The following SHANK1 variants were observed in gnomAD, a reference collection of about 807,000 sequenced individuals.
SHANK1 encodes SH3 and multiple ankyrin repeat domains protein 1.
In SHANK1, 35 loss-of-function variants were observed where a neutral mutation model predicts 165.6. The observed-to-expected ratio is 0.21, with a 90% confidence interval of 0.16 to 0.28. The LOEUF is 0.28. Among genes scored for constraint, SHANK1 ranks in the 10% least tolerant of loss-of-function variants. The pLI is 1.00. For missense variants in SHANK1, 2,681 were observed against 3,036.4 expected (o/e 0.88, Z 2.75); for synonymous variants, 1,428 against 1,384.8 (o/e 1.03, Z -0.69).
Position 50,666,719 on chromosome 19 carries a change from G to A in SHANK1, c.5241C>T (p.Tyr1747=). Residue 1747 remains tyrosine (Y), a synonymous_variant, in exon 23 of 24, where the codon TAC becomes TAT. Coordinates refer to ENST00000293441, the MANE Select transcript of SHANK1 (RefSeq NM_016148.5). The stretch of plus-strand genomic sequence containing the variant: ...TAGAGGGAGTCATGAGCTGAGGAGG[G>A]TATGGCGGGCCGGGAGTACTGCTGC... ...FGGSSTPGPP[Y]PPQLMTPSKL... The A allele has an allele frequency of 6.3e-7, 1 of 1,576,460 alleles. No homozygotes were observed. Among genetic ancestry groups the A allele is most frequent in the Non-Finnish European group, 8.6e-7 (1 of 1,162,966 alleles).
Position 50,713,756 on chromosome 19 carries a change from A to AGAGGGCCCC in SHANK1, c.792+33_792+41dup. The stretch of plus-strand genomic sequence containing the variant: ...TGAGAAAGAACAAAGGGAAAAGGAG[A>AGAGGGCCCC]GAGGGCCCCATGGCGGGGATGGGGG... On this transcript the variant is annotated intron_variant, in intron 6 of 23. Transcript: ENST00000293441. The surrounding 1 kb of genome is among the most constrained non-coding windows in gnomAD (Gnocchi z 6.2). 1 of 1,607,860 alleles carries AGAGGGCCCC rather than the reference A, an allele frequency of 6.2e-7. No homozygotes were observed. The highest frequency in any genetic ancestry group is 8.5e-7 in the Non-Finnish European group (1 of 1,177,126).
At chr19:50,674,672 A>T (rs1985917959) in intron 21 of SHANK1, among the ~76,000 whole-genome samples, 1 of 152,176 alleles carries the variant, frequency 6.6e-6, no homozygotes, top group African/African-American at 2.4e-5. Context: ...GTGGTGGCTC[A>T]TGCCTGAAAT....
rs1374297358 is a variant in SHANK1, at chr19:50,666,266, A to G, written c.5694T>C (p.Ser1898=). The G allele has an allele frequency of 6.8e-6, 11 of 1,610,830 alleles. No individual in the cohort carries two copies. The highest frequency in any genetic ancestry group is 1.1e-5 in the South Asian group (1 of 90,606). The stretch of plus-strand genomic sequence containing the variant: ...CGTGGTGGCTGTCTCCGCCTCCCCC[A>G]CTGCCTCCTCGGGCCCAGGGCAGAG... ...GGALPWARGG[S]GGGGDSHHGG... The change falls in exon 23 of 24, where the codon AGT becomes AGC. Residue 1898 remains serine (S), a synonymous_variant. Transcript: ENST00000293441.
intron 21 of SHANK1, 39 bp from the exon 22 acceptor site, chr19:50,672,153 T>G (rs372040619): frequency 6.6e-7 from 1 of 1,506,400 alleles, no homozygotes; most frequent in Non-Finnish European, 9.2e-7. Context: ...AGAGAAAAGA[T>G]AGAGAGAGAT....
rs1386574526 is a variant in SHANK1, at chr19:50,702,601, C to G, written c.1613G>C (p.Gly538Ala). ...AGGTGGSGGP[G>A]GSLGSRGRRR... ...CCTCCCGCGGCTGCCCAGGGAGCCC[C>G]CGGGGCCCCCTGAGCCCCCCGTGCC... Residue 538 changes from glycine (G) to alanine (A), a missense_variant, in exon 12 of 24, where the codon GGG (glycine) becomes GCG (alanine). This residue lies in a region of SHANK1 where 195 missense variants were observed against 186.2 expected (regional missense o/e 1.05). Coordinates refer to ENST00000293441, the MANE Select transcript of SHANK1 (RefSeq NM_016148.5). This position sits in a 1 kb window ranked among gnomAD's most constrained non-coding sequence, Gnocchi z 5.3. 1 of 1,599,808 alleles carries G rather than the reference C, an allele frequency of 6.3e-7. No homozygotes were observed. Among genetic ancestry groups the G allele is most frequent in the Non-Finnish European group, 8.5e-7 (1 of 1,173,642 alleles).
In SHANK1 at chr19:50,661,758, CTT is replaced by C. The variant is rs879655884; in HGVS notation, c.*205_*206del. On this transcript the variant is annotated 3_prime_UTR_variant, in exon 24 of 24. Coordinates refer to ENST00000293441, the MANE Select transcript of SHANK1 (RefSeq NM_016148.5). ...CCCGCTTCACACACACACACACACT[CTT>C]GTGTCAGCTGCCCCCCTTCAGTGAG... 4.7e-4 allele frequency: 268 copies of C among 574,670 alleles called. 2 individuals are homozygous for C. The highest frequency in any genetic ancestry group is 1.8e-4 in the Non-Finnish European group (59 of 324,350). The allele number at this position is 574,670 out of a possible 1,614,324, so 35.6% of individuals were successfully genotyped here.
intron 6 of SHANK1, among the ~76,000 whole-genome samples, chr19:50,712,804 C>T (rs1042320938): frequency 3.3e-5 from 5 of 152,236 alleles, no homozygotes; most frequent in East Asian, 1.9e-4. Flanking sequence ...ATGGCAGGCA[C>T]GTGTGGGCCC....
At position 50,667,877 on chromosome 19, in the gene SHANK1, C is replaced by A. The variant is rs1049016489; in HGVS notation, c.4083G>T (p.Glu1361Asp). 1.6e-5 allele frequency: 21 copies of A among 1,316,990 alleles called. No individual in the cohort carries two copies. Among genetic ancestry groups the A allele is most frequent in the Non-Finnish European group, 2.0e-5 (21 of 1,037,116 alleles). 81.6% of individuals were successfully genotyped at this position (1,316,990 alleles called of 1,614,324 possible). A position where few individuals can be genotyped will look rare whatever the true frequency, so the allele number is the denominator to read the frequency against. ...SPLGLALAAR[E>D]RALKESSEGG... Reference sequence around the variant, plus strand: ...CCTCCGAGGACTCCTTCAGCGCTCGCTCGCGGGCGGCCAGGGCCAGCCCCA... The same window carrying A: ...CCTCCGAGGACTCCTTCAGCGCTCGATCGCGGGCGGCCAGGGCCAGCCCCA... Residue 1361 changes from glutamate to aspartate, a missense_variant, in exon 23 of 24, where the codon GAG (glutamate) becomes GAT (aspartate). This residue lies in a region of SHANK1 where 1,713 missense variants were observed against 1,630.2 expected (regional missense o/e 1.05). Transcript: ENST00000293441. This position sits in a 1 kb window ranked among gnomAD's most constrained non-coding sequence, Gnocchi z 5.7.
At position 50,709,239 on chromosome 19, in the gene SHANK1, C is replaced by T. The variant is rs564263416; in HGVS notation, c.1077+2132G>A. Among the ~76,000 whole-genome samples the T allele has an allele frequency of 2.6e-5, 4 of 151,296 alleles. No individual in the cohort carries two copies. The East Asian group carries it at 6.0e-4, about 23-fold the overall frequency. ...CTGCAAACTCCGCCTCCCGGGTTCA[C>T]GCCATTCTCCTGTCTCAGCCTCCCG... On this transcript the variant is annotated intron_variant, in intron 8 of 23. Coordinates refer to ENST00000293441, the MANE Select transcript of SHANK1 (RefSeq NM_016148.5).
chr19:50,659,342 G>A lies in SHANK1; in HGVS notation c.*2623C>T, dbSNP rs1467048858. The A allele has an allele frequency of 2.4e-6, 1 of 410,368 alleles. No individual in the cohort carries two copies. Among genetic ancestry groups the A allele is most frequent in the Non-Finnish European group, 4.2e-6 (1 of 240,370 alleles). The allele number at this position is 410,368 out of a possible 1,614,324, so 25.4% of individuals were successfully genotyped here. A position where few individuals can be genotyped will look rare whatever the true frequency, so the allele number is the denominator to read the frequency against. ...TCTGCAAAATCTTGGTGGGGAGTCA[G>A]GGGAAGGGAGGTGATGGGGGGTAGG... On this transcript the variant is annotated 3_prime_UTR_variant, in exon 24 of 24. Transcript: ENST00000293441.
chr19:50,689,386 C>G (rs775697785), intron 15 of SHANK1, 107 bp from the exon 16 acceptor site: 3 of 814,042 alleles, frequency 3.7e-6, no homozygotes, highest in Non-Finnish European at 6.5e-6. Flanking sequence ...AACCTCTGCT[C>G]CAGGGCCATT....
Position 50,718,060 on chromosome 19 carries a change from C to G in SHANK1, c.-43-1098G>C, listed in dbSNP as rs1172536943. On this transcript the variant is annotated intron_variant, in intron 1 of 23. Transcript: ENST00000293441. The surrounding 1 kb of genome is among the most constrained non-coding windows in gnomAD (Gnocchi z 5.1). Reference sequence around the variant, plus strand: ...CTCCCCCCAACACCAGGCCCGGTTCCTGCACCGTTGCCATGGAGATGGGAA... The same window carrying G: ...CTCCCCCCAACACCAGGCCCGGTTCGTGCACCGTTGCCATGGAGATGGGAA... Among the ~76,000 whole-genome samples the G allele has an allele frequency of 1.3e-5, 2 of 152,134 alleles. No homozygotes were observed. The highest frequency in any genetic ancestry group is 2.9e-5 in the Non-Finnish European group (2 of 68,014).
chr19:50,697,937 T>A lies in SHANK1; in HGVS notation c.1767A>T (p.Gly589=), dbSNP rs761230633. The A allele has an allele frequency of 3.7e-6, 6 of 1,613,736 alleles. No homozygotes were observed. The highest frequency in any genetic ancestry group is 5.1e-6 in the Non-Finnish European group (6 of 1,179,736). The part of the protein sequence containing the change: ...EKIKVLSIGE[G]GFWEGQVKGR... ...CTTTGACCTGGCCTTCCCAGAAGCC[T>A]CCTTCCCCGATGCTAAGTACTGGAT... Residue 589 remains glycine, a synonymous_variant, in exon 13 of 24, where the codon GGA becomes GGT. Transcript: ENST00000293441. The surrounding 1 kb of genome is among the most constrained non-coding windows in gnomAD (Gnocchi z 4.7).
At chr19:50,705,166 C>A (rs925540952) in intron 8 of SHANK1, among the ~76,000 whole-genome samples, 2 of 150,492 alleles carry the variant, frequency 1.3e-5, no homozygotes, top group African/African-American at 4.9e-5. Context: ...CATGGTGAAA[C>A]CCCGTCTCTA....
Position 50,687,952 on chromosome 19 carries a change from G to C in SHANK1, c.2279C>G (p.Pro760Arg), listed in dbSNP as rs565118421. Reference sequence around the variant, plus strand: ...CTTGTGCACTGCCTCATCCATGTCCGGGTGCCTGGTGACCATCACCACCTT... The same window carrying C: ...CTTGTGCACTGCCTCATCCATGTCCCGGTGCCTGGTGACCATCACCACCTT... ...MVKVVMVTRH[P>R]DMDEAVHKKA... Residue 760 changes from proline to arginine, a missense_variant, in exon 18 of 24, where the codon CCG becomes CGG. Physicochemically the swap from Pro to Arg is moderately radical, Grantham distance 103. Transcript: ENST00000293441. 13 of 1,614,028 alleles carry C rather than the reference G, an allele frequency of 8.1e-6. No homozygotes were observed. The highest frequency in any genetic ancestry group is 1.1e-5 in the Non-Finnish European group (13 of 1,179,968).
rs1376481556 is a variant in SHANK1, at chr19:50,662,946, GATA to G, written c.5769-267_5769-265del. On this transcript the variant is annotated intron_variant, in intron 23 of 23. Coordinates refer to ENST00000293441, the MANE Select transcript of SHANK1 (RefSeq NM_016148.5). The surrounding 1 kb of genome is among the most constrained non-coding windows in gnomAD (Gnocchi z 7.7). ...GATGAAAGAAAAAGAGACATTAAGT[GATA>G]ATAATAATAATCGTCACCGCTTACT... Among the ~76,000 whole-genome samples the G allele has an allele frequency of 1.3e-5, 2 of 152,042 alleles. No homozygotes were observed. Among genetic ancestry groups the G allele is most frequent in the Non-Finnish European group, 2.9e-5 (2 of 68,006 alleles).
At chr19:50,672,508 A>C (rs796456933) in intron 21 of SHANK1, among the ~76,000 whole-genome samples, 2 of 144,888 alleles carry the variant, frequency 1.4e-5, no homozygotes, top group African/African-American at 5.4e-5. Flanking sequence ...GTGAGCCAAG[A>C]TCACACCACT....
In SHANK1 at chr19:50,661,997, C is replaced by T. The variant is rs776586801; in HGVS notation, c.6454G>A (p.Asp2152Asn). ...VTRVGHRMNI[D>N]RALKFFLER ...TCCAGGAAGAATTTGAGAGCCCGGT[C>T]GATGTTCATGCGGTGGCCCACCCTG... The change falls in exon 24 of 24, where the codon GAC becomes AAC. Residue 2152 changes from aspartate to asparagine, a missense_variant. By Grantham distance (23) the Asp-to-Asn change is conservative. Transcript: ENST00000293441. The T allele has an allele frequency of 1.4e-5, 22 of 1,614,000 alleles. No homozygotes were observed. The highest frequency in any genetic ancestry group is 6.6e-5 in the South Asian group (6 of 91,070).
Position 50,667,068 on chromosome 19 carries a change from A to C in SHANK1, c.4892T>G (p.Val1631Gly). 6.4e-7 allele frequency: 1 copy of C among 1,553,282 alleles called. No individual in the cohort carries two copies. The highest frequency in any genetic ancestry group is 8.7e-7 in the Non-Finnish European group (1 of 1,154,004). ...ASSLTSYDSE[V>G]ATLTQGASAA... is the part of the protein sequence containing the mutation. ...GGAGGCCCCCTGGGTCAGGGTGGCC[A>C]CCTCGCTGTCATAGGATGTCAGGCT... The change falls in exon 23 of 24, where the codon GTG (valine) becomes GGG (glycine). Residue 1631 changes from valine (V) to glycine (G), a missense_variant. By Grantham distance (109) the Val-to-Gly change is moderately radical. Transcript: ENST00000293441. The surrounding 1 kb of genome is among the most constrained non-coding windows in gnomAD (Gnocchi z 5.7).
Sources: allele counts gnomAD v4.1 joint callset (sites outside exome capture counted in the v4.1 genomes callset), GRCh38; gene constraint gnomAD v4.1.1; regional missense constraint gnomAD v4.1.1; non-coding constraint Gnocchi (gnomAD v3.1); transcripts MANE v1.5; gene names NCBI Gene and HGNC (gene_info 2026-07-23, HGNC 2026-07-21).